EPHA7: variants seen among roughly 807,000 people sequenced by gnomAD.
The protein encoded by EPHA7 is EPH receptor A7.
A neutral mutation model predicts 112.6 loss-of-function variants in EPHA7; 25 were observed. The ratio of observed to expected loss-of-function variants is 0.22; its 90% CI spans 0.16 to 0.31. The LOEUF (loss-of-function observed/expected upper bound fraction) is 0.31. Among genes scored for constraint, EPHA7 ranks in the 10% least tolerant of loss-of-function variants. EPHA7 has a pLI of 1.00. For missense variants in EPHA7, 962 were observed against 1,212.6 expected, an observed-to-expected ratio of 0.79 and a Z score of 3.07; for synonymous variants, 437 against 406.5, an observed-to-expected ratio of 1.07 and a Z score of -0.90.
At chr6:93,393,349 A>G (rs1297911963) in intron 3 of EPHA7, among the ~76,000 whole-genome samples, 1 of 151,870 alleles carries the variant, frequency 6.6e-6, no homozygotes, top group Non-Finnish European at 1.5e-5. Flanking sequence ...TACAGTACCT[A>G]AATAATCTTG....
chr6:93,344,059 A>G (rs1775270172), intron 5 of EPHA7, among the ~76,000 whole-genome samples: 1 of 151,622 alleles, frequency 6.6e-6, no homozygotes, highest in African/African-American at 2.4e-5. Flanking sequence ...TGGCAAGTAC[A>G]TGATATGGGA....
intron 5 of EPHA7, among the ~76,000 whole-genome samples, chr6:93,338,858 T>A (rs1775003102): frequency 6.6e-6 from 1 of 151,114 alleles, no homozygotes; most frequent in Admixed American, 6.6e-5. Context: ...GAAAATCATA[T>A]GTATTATATA....
intron 5 of EPHA7, among the ~76,000 whole-genome samples, chr6:93,273,166 T>C (rs755893589): frequency 5.9e-5 from 9 of 151,976 alleles, no homozygotes; most frequent in Non-Finnish European, 8.8e-5. Flanking sequence ...AGTTCTTTCA[T>C]TCTAATTAGT....
chr6:93,417,413 C>A (rs1779294837), intron 1 of EPHA7, among the ~76,000 whole-genome samples: 1 of 152,172 alleles, frequency 6.6e-6, no homozygotes, highest in Non-Finnish European at 1.5e-5. Context: ...AGCCACAGAT[C>A]ACCACCCTCC....
chr6:93,307,558 C>T (rs1386205038), intron 5 of EPHA7, among the ~76,000 whole-genome samples: 1 of 152,046 alleles, frequency 6.6e-6, no homozygotes, highest in African/African-American at 2.4e-5. Flanking sequence ...AAAATAATTT[C>T]TAAGTTTTAC....
At chr6:93,303,178 A>C (rs1773078509) in intron 5 of EPHA7, among the ~76,000 whole-genome samples, 1 of 152,132 alleles carries the variant, frequency 6.6e-6, no homozygotes, top group Non-Finnish European at 1.5e-5. Flanking sequence ...CTTCATCTTT[A>C]CATTTGCTCA....
chr6:93,258,022 GT>G (rs2127858853), intron 11 of EPHA7, 76 bp downstream of exon 11: 2 of 1,320,240 alleles, frequency 1.5e-6, no homozygotes, highest in Non-Finnish European at 2.1e-6. Flanking sequence ...TTCATAATTT[GT>G]TTTATTGTGT....
intron 3 of EPHA7, among the ~76,000 whole-genome samples, chr6:93,376,432 C>T (rs747544255): frequency 2.3e-4 from 35 of 152,102 alleles, no homozygotes; most frequent in South Asian, 6.2e-4. Flanking sequence ...TAAGTCACCA[C>T]GCCTGGTCCA....
At chr6:93,310,657 G>A (rs1281673006) in intron 5 of EPHA7, among the ~76,000 whole-genome samples, 19 of 147,760 alleles carry the variant, frequency 1.3e-4, no homozygotes, top group African/African-American at 7.5e-5. Flanking sequence ...GCGAGACTCC[G>A]TCTCAAAAAA....
chr6:93,369,843 C>G (rs566657363), intron 3 of EPHA7, among the ~76,000 whole-genome samples: 5 of 152,284 alleles, frequency 3.3e-5, no homozygotes, highest in African/African-American at 1.2e-4. Flanking sequence ...TCTGGTGACA[C>G]CATCCCACTT....
intron 5 of EPHA7, among the ~76,000 whole-genome samples, chr6:93,276,579 A>T (rs1450279823): frequency 1.3e-5 from 2 of 152,066 alleles, no homozygotes; most frequent in Non-Finnish European, 2.9e-5. Flanking sequence ...GAGTGTTTTA[A>T]ATTGTTCACT....
At chr6:93,367,367 T>C (rs1349232095) in intron 3 of EPHA7, among the ~76,000 whole-genome samples, 1 of 152,204 alleles carries the variant, frequency 6.6e-6, no homozygotes, top group Non-Finnish European at 1.5e-5. Flanking sequence ...AGTTTTATTA[T>C]ACATTCTCAT....
intron 5 of EPHA7, among the ~76,000 whole-genome samples, chr6:93,312,058 T>G (rs2127866696): frequency 6.6e-6 from 1 of 152,290 alleles, no homozygotes; most frequent in African/African-American, 2.4e-5. Flanking sequence ...ATTGATACAC[T>G]AATAGAACAC....
At chr6:93,352,359 G>T (rs965448902) in intron 5 of EPHA7, among the ~76,000 whole-genome samples, 6 of 152,084 alleles carry the variant, frequency 3.9e-5, no homozygotes, top group Non-Finnish European at 2.9e-5. Flanking sequence ...AGGAAGGAAG[G>T]TAGTGGCAAT....
intron 3 of EPHA7, among the ~76,000 whole-genome samples, chr6:93,376,476 C>T (rs1429236191): frequency 1.3e-5 from 2 of 152,110 alleles, no homozygotes; most frequent in Non-Finnish European, 2.9e-5. Flanking sequence ...GAAAGTCTGC[C>T]ACCAAATAAC....
intron 5 of EPHA7, among the ~76,000 whole-genome samples, chr6:93,342,891 A>C (rs1775213068): frequency 6.6e-6 from 1 of 151,776 alleles, no homozygotes; most frequent in African/African-American, 2.4e-5. Flanking sequence ...CTTTACTGAT[A>C]TGTGTAAAGA....
At chr6:93,326,875 T>C (rs1582526461) in intron 5 of EPHA7, among the ~76,000 whole-genome samples, 2 of 151,730 alleles carry the variant, frequency 1.3e-5, no homozygotes, top group South Asian at 2.1e-4. Context: ...TTCTAAGATA[T>C]AAAGCTGCAA....
At chr6:93,380,785 T>C (rs1777298794) in intron 3 of EPHA7, among the ~76,000 whole-genome samples, 1 of 152,138 alleles carries the variant, frequency 6.6e-6, no homozygotes, top group Non-Finnish European at 1.5e-5. Flanking sequence ...ATATAGCAGA[T>C]AACTTTCCAC....
intron 3 of EPHA7, among the ~76,000 whole-genome samples, chr6:93,399,512 T>A (rs567849748): frequency 6.6e-6 from 1 of 152,238 alleles, no homozygotes; most frequent in East Asian, 1.9e-4. Flanking sequence ...TCTTTTTAAT[T>A]GTAAATTGAG....
Sources: gnomAD v4.1 joint callset for allele counts (sites outside exome capture counted in the v4.1 genomes callset) on GRCh38, gnomAD v4.1.1 for gene constraint, MANE v1.5 for transcripts, NCBI Gene and HGNC (gene_info 2026-07-23, HGNC 2026-07-21) for gene names.